Variants in SRP54 observed in about 807,000 individuals in gnomAD.
SRP54 encodes the protein signal recognition particle 54.
SRP54 carries 10 observed loss-of-function variants against 64.8 expected under a neutral mutation model. The observed-to-expected ratio is 0.15, with a 90% CI of 0.10 to 0.26. The LOEUF (loss-of-function observed/expected upper bound fraction) is 0.26. Ranked by LOEUF, SRP54 falls within the 10% of genes least tolerant of loss-of-function variation. The probability of loss-of-function intolerance (pLI) is 1.00; values close to 1 mark genes in which losing one functional copy is unlikely to be tolerated. For synonymous variants in SRP54, 193 were observed against 185.6 expected (o/e 1.04, Z -0.32); for missense variants, 325 against 613.7 (o/e 0.53, Z 4.97).
intron 14 of SRP54, among the ~76,000 whole-genome samples, chr14:35,024,589 T>A (rs1047963490): frequency 1.3e-5 from 2 of 152,038 alleles, no homozygotes; most frequent in Non-Finnish European, 2.9e-5. Flanking sequence ...GTAGTTGCCC[T>A]TTTTAATGTA....
intron 4 of SRP54, among the ~76,000 whole-genome samples, chr14:35,006,431 A>G (rs538139229): frequency 9.2e-5 from 14 of 152,320 alleles, no homozygotes; most frequent in African/African-American, 3.4e-4. Flanking sequence ...GCTAGTCCAA[A>G]CTGAGATGTG....
At chr14:34,999,010 TGTGG>T (rs1284178534) in intron 2 of SRP54, among the ~76,000 whole-genome samples, 3,978 of 63,986 alleles carry the variant, frequency 0.062, 609 homozygotes, top group East Asian at 0.19. Flanking sequence ...TGTGTGTGTG[TGTGG>T]TTTTTTTTTT....
chr14:35,009,528 A>G (rs2044321720), intron 7 of SRP54, among the ~76,000 whole-genome samples: 1 of 152,066 alleles, frequency 6.6e-6, no homozygotes, highest in African/African-American at 2.4e-5. Flanking sequence ...TTTCAAGTTG[A>G]CAAAGATTGT....
chr14:35,018,276 A>G (rs1022095352), intron 11 of SRP54, among the ~76,000 whole-genome samples: 2 of 152,184 alleles, frequency 1.3e-5, no homozygotes, highest in African/African-American at 2.4e-5. Context: ...TACCTAAGCT[A>G]TTTAAGAAAC....
At chr14:35,009,882 A>G (rs943939337) in intron 7 of SRP54, among the ~76,000 whole-genome samples, 1 of 151,898 alleles carries the variant, frequency 6.6e-6, no homozygotes, top group Non-Finnish European at 1.5e-5. Context: ...AAATTTAAAA[A>G]ATTTTCAGGC....
At chr14:34,991,109 C>CTTTTTTTTTTTTTTTTTTTTTTTT (rs71435838) in intron 1 of SRP54, among the ~76,000 whole-genome samples, 3 of 111,086 alleles carry the variant, frequency 2.7e-5, no homozygotes, top group Non-Finnish European at 3.7e-5. Context: ...AATTTCTTTT[C>CTTTTTTTTTTTTTTTTTTTTTTTT]TTTTTTTTTT....
chr14:34,986,850 G>T (rs916184351), intron 1 of SRP54, among the ~76,000 whole-genome samples: 2 of 151,684 alleles, frequency 1.3e-5, no homozygotes, highest in African/African-American at 2.4e-5. Context: ...CTGCACTCCA[G>T]TGGGCACAGA....
intron 2 of SRP54, among the ~76,000 whole-genome samples, chr14:34,998,973 A>G (rs12890586): frequency 0.084 from 5,335 of 63,734 alleles, 364 homozygotes; most frequent in Middle Eastern, 0.11. Context: ...CTTTGTGTGT[A>G]TGTGTGTGTG....
chr14:35,019,072 A>G lies in SRP54; in HGVS notation c.1154A>G (p.Gln385Arg), dbSNP rs1399844182. The change falls in exon 13 of 16, where the codon CAA becomes CGA. Residue 385 changes from glutamine to arginine, a missense_variant and splice_region_variant. Physicochemically the swap from Gln to Arg is conservative, Grantham distance 43 (BLOSUM62 1). Transcript: ENST00000216774. ...LMTIMDSMND[Q>R]ELDSTDGAKV... ...ACAATAATGGATAGTATGAATGATC[A>G]AGGTAAGATGGCAGATTATTTTCCT... is the stretch of plus-strand genomic sequence containing the variant. The G allele has an allele frequency of 2.5e-6, 4 of 1,603,432 alleles. No individual in the cohort carries two copies. The highest frequency in any genetic ancestry group is 2.2e-5 in the East Asian group (1 of 44,726).
intron 11 of SRP54, among the ~76,000 whole-genome samples, chr14:35,016,032 C>T (rs2044432853): frequency 1.3e-5 from 2 of 152,144 alleles, no homozygotes; most frequent in Admixed American, 1.3e-4. Context: ...ATTATTATTT[C>T]TTCCTCACTC....
chr14:35,020,813 A>G (rs192040387), intron 13 of SRP54, among the ~76,000 whole-genome samples: 100 of 152,330 alleles, frequency 6.6e-4, no homozygotes, highest in African/African-American at 2.4e-3. Flanking sequence ...AACAACTCCT[A>G]TGGCATATTC....
intron 1 of SRP54, among the ~76,000 whole-genome samples, chr14:34,990,474 A>G (rs799481): frequency 0.2 from 30,739 of 152,094 alleles, 3,698 homozygotes; most frequent in Non-Finnish European, 0.28. Context: ...AATTGTTGTA[A>G]GAGTGAAATG....
At chr14:35,020,459 G>C (rs1007910638) in intron 13 of SRP54, among the ~76,000 whole-genome samples, 2 of 152,188 alleles carry the variant, frequency 1.3e-5, no homozygotes, top group Admixed American at 1.3e-4. Context: ...ACAGTAGAAC[G>C]TCTTCCAAAA....
chr14:35,012,483 C>T (rs1162585849), intron 8 of SRP54, among the ~76,000 whole-genome samples: 2 of 152,090 alleles, frequency 1.3e-5, no homozygotes, highest in African/African-American at 4.8e-5. Flanking sequence ...TAATAAGTTT[C>T]TTTTCAGTTA....
At chr14:35,010,357 A>C (rs1406411064) in intron 7 of SRP54, among the ~76,000 whole-genome samples, 1 of 152,076 alleles carries the variant, frequency 6.6e-6, no homozygotes, top group African/African-American at 2.4e-5. Flanking sequence ...GAGGCAAGAG[A>C]ATTGCTTGAA....
At position 34,988,578 on chromosome 14, in the gene SRP54, AAT is replaced by A. The variant is rs1555352766; in HGVS notation, c.-34+5379_-34+5380del. Among the ~76,000 whole-genome samples, 13 of 47,106 alleles carry A rather than the reference AAT, an allele frequency of 2.8e-4. 1 individual carries two copies. The highest frequency in any genetic ancestry group is 4.8e-4 in the East Asian group (1 of 2,070). The allele number at this position is 47,106 out of a possible 152,430, so 30.9% of individuals were successfully genotyped here. A position where few individuals can be genotyped will look rare whatever the true frequency, so the allele number is the denominator to read the frequency against. On this transcript the variant is annotated intron_variant, in intron 1 of 15. Transcript: ENST00000216774. ...TCCATCTCAAAAAAAAAAAAAAAAA[AAT>A]ATATATATATATATAACATATATAT...
intron 5 of SRP54, among the ~76,000 whole-genome samples, chr14:35,007,917 A>AT (rs944601266): frequency 4.1e-4 from 60 of 147,250 alleles, no homozygotes; most frequent in East Asian, 7.8e-4. Flanking sequence ...GTTTCTTATG[A>AT]TTTTTTTTTT....
At chr14:34,990,787 A>G (rs1039955852) in intron 1 of SRP54, among the ~76,000 whole-genome samples, 1 of 152,234 alleles carries the variant, frequency 6.6e-6, no homozygotes, top group African/African-American at 2.4e-5. Flanking sequence ...GAAATTCTGA[A>G]GAAGAATTAT....
At chr14:35,025,284 T>C (rs1008973723) in intron 14 of SRP54, among the ~76,000 whole-genome samples, 3 of 152,206 alleles carry the variant, frequency 2.0e-5, no homozygotes, top group African/African-American at 2.4e-5. Context: ...AACAATACCA[T>C]TGAATAGCTT....
Sources: allele counts gnomAD v4.1 joint callset (sites outside exome capture counted in the v4.1 genomes callset), GRCh38; gene constraint gnomAD v4.1.1; transcripts MANE v1.5; gene names NCBI Gene and HGNC (gene_info 2026-07-23, HGNC 2026-07-21).